DNAJB4: variants seen among roughly 807,000 people sequenced by gnomAD.
DNAJB4 encodes the protein DnaJ heat shock protein family (Hsp40) member B4.
Under a neutral mutation model 26.6 loss-of-function variants are expected in DNAJB4, and 10 were observed. The observed-to-expected ratio is 0.38, with a 90% CI of 0.23 to 0.64. DNAJB4 has a LOEUF of 0.64. Among genes scored for constraint, DNAJB4 ranks in the 30% least tolerant of loss-of-function variants. The probability of loss-of-function intolerance (pLI) is 0.58; values close to 1 mark genes in which losing one functional copy is unlikely to be tolerated. For missense variants in DNAJB4, 328 were observed against 408.2 expected (o/e 0.80, Z 1.69); for synonymous variants, 136 against 134.8 (o/e 1.01, Z -0.06).
At chr1:78,004,600 CT>C (rs1294504236), upstream of DNAJB4, 1 of 152,806 alleles carries the variant, frequency 6.5e-6, no homozygotes, top group Non-Finnish European at 1.5e-5. Flanking sequence ...ACTTTAACTT[CT>C]TTTAACATAG....
intron 1 of DNAJB4, among the ~76,000 whole-genome samples, chr1:77,986,267 C>T (rs1181528587): frequency 6.6e-6 from 1 of 152,148 alleles, no homozygotes; most frequent in Admixed American, 6.5e-5. Flanking sequence ...TAATGTGTGC[C>T]ATGTAGTAAA....
intron 1 of DNAJB4, chr1:77,981,078 C>G (rs541055433): frequency 6.6e-6 from 1 of 151,738 alleles, no homozygotes; most frequent in South Asian, 2.1e-4. Flanking sequence ...TACCACAGTG[C>G]TATAATTTAC....
chr1:78,017,191 C>CT lies in DNAJB4; in HGVS notation c.*945dup, dbSNP rs1207916157. On this transcript the variant is annotated 3_prime_UTR_variant, in exon 3 of 3. Coordinates refer to ENST00000370763, the MANE Select transcript of DNAJB4 (RefSeq NM_007034.5). Reference sequence around the variant, plus strand: ...AACCAAAATATAGGGAAAATAAACACTAACTGCTGCTTATGGATAATGTTG... The same window carrying CT: ...AACCAAAATATAGGGAAAATAAACACTTAACTGCTGCTTATGGATAATGTTG... The CT allele has an allele frequency of 6.6e-6, 1 of 151,980 alleles. No individual in the cohort carries two copies. The highest frequency in any genetic ancestry group is 2.4e-5 in the African/African-American group (1 of 41,414). The allele number at this position is 151,980 out of a possible 1,614,324, so 9.4% of individuals were successfully genotyped here. A position where few individuals can be genotyped will look rare whatever the true frequency, so the allele number is the denominator to read the frequency against.
At chr1:77,997,085 T>G (rs1183023702) in intron 1 of DNAJB4, among the ~76,000 whole-genome samples, 2 of 152,136 alleles carry the variant, frequency 1.3e-5, no homozygotes, top group Non-Finnish European at 2.9e-5. Context: ...AATGGACACT[T>G]AAGAAATGAA....
intron 1 of DNAJB4, among the ~76,000 whole-genome samples, chr1:77,986,142 G>A (rs1268763006): frequency 6.6e-6 from 1 of 152,118 alleles, no homozygotes; most frequent in Non-Finnish European, 1.5e-5. Flanking sequence ...CCAATTGTCA[G>A]CCTGATTCTT....
In DNAJB4 at chr1:78,017,570, T is replaced by C. The variant is rs574727827; in HGVS notation, c.*1323T>C. The C allele has an allele frequency of 2.6e-5, 4 of 152,238 alleles. No individual in the cohort carries two copies. The South Asian group carries it at 8.3e-4, about 32-fold the overall frequency. 9.4% of individuals were successfully genotyped at this position (152,238 alleles called of 1,614,324 possible). A position where few individuals can be genotyped will look rare whatever the true frequency, so the allele number is the denominator to read the frequency against. On this transcript the variant is annotated 3_prime_UTR_variant, in exon 3 of 3. Coordinates refer to ENST00000370763, the MANE Select transcript of DNAJB4 (RefSeq NM_007034.5). ...TATAATTCAGTGGTTTTTAGTGATA[T>C]TTACAAAGTGGTACAATCATCATCA...
intron 1 of DNAJB4, among the ~76,000 whole-genome samples, chr1:77,992,492 G>A (rs1341714995): frequency 6.7e-6 from 1 of 149,368 alleles, no homozygotes; most frequent in Admixed American, 6.7e-5. Context: ...TTGGGAAATA[G>A]CCATTATCAT....
intron 1 of DNAJB4, among the ~76,000 whole-genome samples, chr1:77,980,808 A>G (rs1481599517): frequency 6.6e-6 from 1 of 152,180 alleles, no homozygotes; most frequent in African/African-American, 2.4e-5. Context: ...ATCAGCTTTT[A>G]AGGCAGTAGT....
chr1:77,993,583 T>C (rs1659988869), intron 1 of DNAJB4, among the ~76,000 whole-genome samples: 1 of 152,130 alleles, frequency 6.6e-6, no homozygotes, highest in South Asian at 2.1e-4. Context: ...TCTAAGGTGC[T>C]GGGATATAGG....
At chr1:78,000,218 A>G (rs937951783), upstream of DNAJB4, among the ~76,000 whole-genome samples, 3 of 152,112 alleles carry the variant, frequency 2.0e-5, no homozygotes, top group African/African-American at 7.2e-5. Context: ...TGGAAAAAAA[A>G]TTTTCAAGTT....
intron 1 of DNAJB4, among the ~76,000 whole-genome samples, chr1:77,984,464 T>TTC (rs1003996907): frequency 1.3e-5 from 2 of 151,800 alleles, no homozygotes; most frequent in African/African-American, 4.9e-5. Context: ...TTCTTTCTTT[T>TTC]TTTTTCCAGA....
At chr1:78,009,171 C>G (rs1461251548) in intron 1 of DNAJB4, among the ~76,000 whole-genome samples, 1 of 151,926 alleles carries the variant, frequency 6.6e-6, no homozygotes, top group African/African-American at 2.4e-5. Flanking sequence ...TGAATTAAAA[C>G]TGTTTAAAAA....
intron 2 of DNAJB4, among the ~76,000 whole-genome samples, chr1:78,015,642 T>C (rs1660621748): frequency 2.0e-5 from 3 of 150,084 alleles, no homozygotes; most frequent in Non-Finnish European, 4.4e-5. Flanking sequence ...CTCCGCCTGC[T>C]GAGTTCAAGT....
intron 1 of DNAJB4, among the ~76,000 whole-genome samples, chr1:77,993,339 G>A (rs747730772): frequency 1.3e-5 from 2 of 151,468 alleles, no homozygotes; most frequent in Middle Eastern, 3.4e-3. Context: ...TTTTGAGATC[G>A]AGTCTCGCTC....
intron 1 of DNAJB4, among the ~76,000 whole-genome samples, chr1:77,994,708 G>C: frequency 6.6e-6 from 1 of 151,904 alleles, no homozygotes; most frequent in Non-Finnish European, 1.5e-5. Context: ...AAATCACGTA[G>C]ATTCCTCATT....
upstream of DNAJB4, chr1:78,004,509 G>A (rs1475576185): frequency 1.3e-5 from 2 of 151,908 alleles, no homozygotes; most frequent in Non-Finnish European, 2.9e-5. Flanking sequence ...CTGCGTTTTG[G>A]TATTATATAC....
At chr1:77,992,280 G>A (rs1477276250) in intron 1 of DNAJB4, among the ~76,000 whole-genome samples, 6 of 150,432 alleles carry the variant, frequency 4.0e-5, no homozygotes, top group African/African-American at 7.3e-5. Flanking sequence ...GGGCGTAGTG[G>A]CGGGCACCTG....
At chr1:78,006,836 T>G (rs550883087) in intron 1 of DNAJB4, among the ~76,000 whole-genome samples, 2 of 152,206 alleles carry the variant, frequency 1.3e-5, no homozygotes, top group Non-Finnish European at 2.9e-5. Context: ...AAGGAGTAAT[T>G]TTGTAATTTT....
chr1:77,996,185 T>C (rs894371454), intron 1 of DNAJB4, among the ~76,000 whole-genome samples: 1 of 152,148 alleles, frequency 6.6e-6, no homozygotes, highest in Non-Finnish European at 1.5e-5. Context: ...CAGGGTCTTA[T>C]TGTGTCACTC....
Sources: allele counts gnomAD v4.1 joint callset (sites outside exome capture counted in the v4.1 genomes callset), GRCh38; gene constraint gnomAD v4.1.1; transcripts MANE v1.5; gene names NCBI Gene and HGNC (gene_info 2026-07-23, HGNC 2026-07-21).